The following SLC4A9 variants were observed in gnomAD, a reference collection of about 807,000 sequenced individuals.
The protein encoded by SLC4A9 is anion exchange protein 4.
SLC4A9 carries 102 observed loss-of-function variants against 103.2 expected under a neutral mutation model. The observed-to-expected ratio is 0.99, with a 90% CI of 0.84 to 1.17. The LOEUF (loss-of-function observed/expected upper bound fraction) is 1.17. SLC4A9 is among the 50% of genes most tolerant of loss of function. The pLI is 0.00. For synonymous variants in SLC4A9, 453 were observed against 483.6 expected (o/e 0.94, Z 0.83); for missense variants, 1,091 against 1,193.7 (o/e 0.91, Z 1.27).
rs371324109 is a variant in SLC4A9, at chr5:140,364,108, A to G, written c.1309A>G (p.Met437Val). The G allele has an allele frequency of 6.3e-7, 1 of 1,589,332 alleles. No individual in the cohort carries two copies. The highest frequency in any genetic ancestry group is 8.6e-7 in the Non-Finnish European group (1 of 1,168,304). Residue 437 changes from methionine to valine, a missense_variant, in exon 10 of 22, where the codon ATG becomes GTG. Met to Val is a conservative substitution (Grantham distance 21). Coordinates refer to ENST00000506757, the MANE Select transcript of SLC4A9 (RefSeq NM_031467.3). ...TAVAGAAFCL[M>V]AGQPLTILSS... ...AGTGGCTGGAGCTGCCTTCTGCCTG[A>G]TGGCAGGCCAGCCCCTCACCATTCT... is the stretch of plus-strand genomic sequence containing the variant.
At position 140,360,449 on chromosome 5, in the gene SLC4A9, G is replaced by A. The variant is rs1331014071; in HGVS notation, c.213G>A (p.Glu71=). 1.3e-6 allele frequency: 2 copies of A among 1,581,396 alleles called. No individual in the cohort carries two copies. The highest frequency in any genetic ancestry group is 1.8e-5 in the Admixed American group (1 of 55,438). The change falls in exon 1 of 22, where the codon GAG becomes GAA. Residue 71 remains glutamate, a synonymous_variant. Transcript: ENST00000506757. Reference sequence around the variant, plus strand: ...TGCTGGGCTGGCCCCAGGCGCTGGAGTGGAGAGAGACAGGCAGGTAAGTTG... The same window carrying A: ...TGCTGGGCTGGCCCCAGGCGCTGGAATGGAGAGAGACAGGCAGGTAAGTTG... ...NELLGWPQAL[E]WRETGRWVLF...
At position 140,360,207 on chromosome 5, in the gene SLC4A9, G is replaced by A. The variant is rs917046982; in HGVS notation, c.-30G>A. The A allele has an allele frequency of 1.9e-5, 30 of 1,583,738 alleles. No individual in the cohort carries two copies. The highest frequency in any genetic ancestry group is 2.4e-5 in the Non-Finnish European group (28 of 1,159,416). Reference sequence around the variant, plus strand: ...GCCCCTGGCTTCAGAACCTAGGACTGTACTGGTTCTGAGATTCTGTGCAAG... The same window carrying A: ...GCCCCTGGCTTCAGAACCTAGGACTATACTGGTTCTGAGATTCTGTGCAAG... On this transcript the variant is annotated 5_prime_UTR_variant, in exon 1 of 22. Transcript: ENST00000506757.
intron 11 of SLC4A9, 79 bp from the exon 12 acceptor site, chr5:140,365,441 C>T: frequency 7.9e-7 from 1 of 1,267,274 alleles, no homozygotes; most frequent in Middle Eastern, 1.9e-4. Context: ...CACCTGGACC[C>T]ATCAGATAAG....
chr5:140,360,540 G>A (rs1238964089), intron 1 of SLC4A9, 74 bp downstream of exon 1: 4 of 1,364,908 alleles, frequency 2.9e-6, no homozygotes, highest in East Asian at 2.5e-5. Context: ...GTCCCCCAGC[G>A]CTTCTTATGG....
chr5:140,361,356 G>A lies in SLC4A9; in HGVS notation c.494G>A (p.Arg165Lys), dbSNP rs1347389930. The change falls in exon 3 of 22, where the codon AGG becomes AAG. Residue 165 changes from arginine to lysine, a missense_variant. By Grantham distance (26) the Arg-to-Lys change is conservative (BLOSUM62 2). Transcript: ENST00000506757. ...CATTACAACCAGACCACAGGCACCAGGCCCTGCTGGGGTGAGAGCCCCTCC... is the reference window on the plus strand; with the variant it reads ...CATTACAACCAGACCACAGGCACCAAGCCCTGCTGGGGTGAGAGCCCCTCC... ...PQHYNQTTGT[R>K]PCWGSTHPRK... is the part of the protein sequence containing the mutation. The A allele has an allele frequency of 1.9e-6, 3 of 1,555,050 alleles. No individual in the cohort carries two copies. The highest frequency in any genetic ancestry group is 2.6e-6 in the Non-Finnish European group (3 of 1,149,026).
chr5:140,361,999 C>A lies in SLC4A9; in HGVS notation c.562-18C>A. 1 of 1,613,746 alleles carries A rather than the reference C, an allele frequency of 6.2e-7. No individual in the cohort carries two copies. The highest frequency in any genetic ancestry group is 8.5e-7 in the Non-Finnish European group (1 of 1,179,820). ...AAATAACCTTTCATATTCTGTGTCT[C>A]CTTGAACCCCCATCCAGTGTCAGAA... On this transcript the variant is annotated intron_variant, in intron 4 of 21. Transcript: ENST00000506757.
At chr5:140,360,747 G>A (rs1338559174) in intron 1 of SLC4A9, 65 bp from the exon 2 acceptor site, 3 of 1,606,976 alleles carry the variant, frequency 1.9e-6, no homozygotes, top group Non-Finnish European at 2.5e-6. Context: ...TAGCTCCTCT[G>A]CATCTCTGCT....
At chr5:140,362,371 G>A in intron 5 of SLC4A9, 74 bp from the exon 6 acceptor site, 1 of 1,441,816 alleles carries the variant, frequency 6.9e-7, no homozygotes, top group Non-Finnish European at 9.8e-7. Flanking sequence ...ATAGGTCAGA[G>A]CTGAGCATCA....
Position 140,362,025 on chromosome 5 carries a change from C to A in SLC4A9, c.570C>A (p.Asn190Lys), listed in dbSNP as rs527407272. Residue 190 changes from asparagine (N) to lysine (K), a missense_variant, in exon 5 of 22, where the codon AAC becomes AAA. Asn to Lys is a moderately conservative substitution (Grantham distance 94, BLOSUM62 0). Coordinates refer to ENST00000506757, the MANE Select transcript of SLC4A9 (RefSeq NM_031467.3). ...EEAPLREQCQ[N>K]PLRQKLPPGA... ...CTTGAACCCCCATCCAGTGTCAGAA[C>A]CCCCTGAGACAGAAGCTACCTCCAG... 2 of 1,611,106 alleles carry A rather than the reference C, an allele frequency of 1.2e-6. No homozygotes were observed. The highest frequency in any genetic ancestry group is 1.3e-5 in the African/African-American group (1 of 74,704).
chr5:140,371,394 C>T (rs1768700109), intron 18 of SLC4A9, 57 bp from the exon 19 acceptor site: 10 of 1,598,636 alleles, frequency 6.3e-6, no homozygotes, highest in Middle Eastern at 3.3e-4. Context: ...CTATCAGTGA[C>T]ACCCTCCTAT....
At chr5:140,370,737 G>C (rs181975863) in intron 17 of SLC4A9, among the ~76,000 whole-genome samples, 2 of 152,102 alleles carry the variant, frequency 1.3e-5, no homozygotes, top group African/African-American at 2.4e-5. Context: ...TTTGCAAGGG[G>C]TAGGAACAAA....
rs1191469086 is a variant in SLC4A9, at chr5:140,365,955, TCCTTA to T, written c.1834_1838del (p.Leu612PhefsTer41). Reference sequence around the variant, plus strand: ...ATTGCCTTCTTCTCCCTTCTCCTCTTCCTTACTTCTTTCTTCTTTGCTATGGCCCT... The same window carrying T: ...ATTGCCTTCTTCTCCCTTCTCCTCTTCTTCTTTCTTCTTTGCTATGGCCCT... On this transcript the variant is annotated frameshift_variant, in exon 13 of 22. Coordinates refer to ENST00000506757, the MANE Select transcript of SLC4A9 (RefSeq NM_031467.3). LOFTEE classifies it high-confidence loss of function. The T allele has an allele frequency of 8.1e-6, 13 of 1,613,920 alleles. No individual in the cohort carries two copies. The highest frequency in any genetic ancestry group is 1.3e-5 in the African/African-American group (1 of 74,936).
In SLC4A9 at chr5:140,364,155, G is replaced by A. The variant is rs1561587404; in HGVS notation, c.1356G>A (p.Leu452=). Residue 452 remains leucine (L), a synonymous_variant, in exon 10 of 22, where the codon CTG becomes CTA. Coordinates refer to ENST00000506757, the MANE Select transcript of SLC4A9 (RefSeq NM_031467.3). ...LTILSSTGPV[L]VFERLLFSFS... is the part of the protein sequence containing the mutation. ...TTCTGAGCAGCACGGGGCCAGTGCT[G>A]GTCTTTGAGCGCCTGCTCTTCTCTT... 1.3e-6 allele frequency: 2 copies of A among 1,582,506 alleles called. No homozygotes were observed. The highest frequency in any genetic ancestry group is 4.5e-5 in the East Asian group (2 of 44,530).
rs757197164 is a variant in SLC4A9, at chr5:140,366,169, G to A, written c.1918G>A (p.Asp640Asn). ...GTGCCAGGTGCGCAAAGGGCTCAGC[G>A]ACTTCTCCTCAGTCCTGGCCATCCT... ...FPSVVRKGLS[D>N]FSSVLAILLG... Residue 640 changes from aspartate (D) to asparagine (N), a missense_variant, in exon 14 of 22, where the codon GAC (aspartate) becomes AAC (asparagine). Transcript: ENST00000506757. The A allele has an allele frequency of 2.7e-5, 44 of 1,613,244 alleles. No homozygotes were observed. The Admixed American group carries it at 5.5e-4, about 20-fold the overall frequency.
chr5:140,366,872 A>T (rs1767969526), intron 14 of SLC4A9, among the ~76,000 whole-genome samples: 1 of 152,218 alleles, frequency 6.6e-6, no homozygotes, highest in Non-Finnish European at 1.5e-5. Context: ...AGTGTGCAGG[A>T]CAAGGCTTAG....
chr5:140,366,089 A>AG, intron 13 of SLC4A9, 62 bp from the exon 14 acceptor site: 1 of 1,608,766 alleles, frequency 6.2e-7, no homozygotes, highest in Middle Eastern at 1.7e-4. Flanking sequence ...CTGTGATGGG[A>AG]AGTGGTGTGG....
intron 21 of SLC4A9, among the ~76,000 whole-genome samples, chr5:140,373,767 C>A (rs1198640820): frequency 6.6e-6 from 1 of 152,016 alleles, no homozygotes; most frequent in Non-Finnish European, 1.5e-5. Context: ...CCAGCCTGGG[C>A]AACATAGTGA....
At chr5:140,362,423 T>C in intron 5 of SLC4A9, 22 bp from the exon 6 acceptor site, 1 of 1,611,022 alleles carries the variant, frequency 6.2e-7, no homozygotes, top group Non-Finnish European at 8.5e-7. Flanking sequence ...TGTGAATCTC[T>C]GGGGCCTGGT....
In SLC4A9 at chr5:140,361,332, A is replaced by G. The variant is rs1208045464; in HGVS notation, c.470A>G (p.His157Arg). The change falls in exon 3 of 22, where the codon CAT becomes CGT. Residue 157 changes from histidine to arginine, a missense_variant. By Grantham distance (29) the His-to-Arg change is conservative (BLOSUM62 0). Transcript: ENST00000506757. Reference sequence around the variant, plus strand: ...GCCTTGCTGCTGCAGAGACCCCAGCATTACAACCAGACCACAGGCACCAGG... The same window carrying G: ...GCCTTGCTGCTGCAGAGACCCCAGCGTTACAACCAGACCACAGGCACCAGG... Reference protein sequence around the residue: ...LQALLLQRPQHYNQTTGTRPC... With the variant: ...LQALLLQRPQRYNQTTGTRPC... 1 of 1,564,290 alleles carries G rather than the reference A, an allele frequency of 6.4e-7. No individual in the cohort carries two copies. Among genetic ancestry groups the G allele is most frequent in the South Asian group, 1.2e-5 (1 of 84,666 alleles).
Sources: allele counts gnomAD v4.1 joint callset (sites outside exome capture counted in the v4.1 genomes callset), GRCh38; gene constraint gnomAD v4.1.1; transcripts MANE v1.5; gene names NCBI Gene and HGNC (gene_info 2026-07-23, HGNC 2026-07-21).